GLYATL2: variants seen among roughly 807,000 people sequenced by gnomAD.
The protein encoded by GLYATL2 is glycine-N-acyltransferase like 2.
A neutral mutation model predicts 21.4 loss-of-function variants in GLYATL2; 25 were observed. The ratio of observed to expected loss-of-function variants is 1.17; its 90% confidence interval spans 0.85 to 1.63. The LOEUF (loss-of-function observed/expected upper bound fraction) is 1.63, where lower values mean the gene tolerates loss of function less well. Ranked by LOEUF, GLYATL2 falls within the 40% of genes most tolerant of loss-of-function variation. The pLI is 0.00. For missense variants in GLYATL2, 361 were observed against 343.3 expected (o/e 1.05, Z -0.41); for synonymous variants, 114 against 118.2 (o/e 0.96, Z 0.23).
At chr11:58,839,306 A>G (rs566261012) in intron 2 of GLYATL2, among the ~76,000 whole-genome samples, 1 of 152,308 alleles carries the variant, frequency 6.6e-6, no homozygotes, top group African/African-American at 2.4e-5. Flanking sequence ...CCTGGAAGAG[A>G]TGACAAAGTA....
At chr11:58,841,523 C>T (rs1329344590) in intron 1 of GLYATL2, among the ~76,000 whole-genome samples, 5 of 152,140 alleles carry the variant, frequency 3.3e-5, no homozygotes, top group Non-Finnish European at 7.4e-5. Flanking sequence ...TTTTAAAGAC[C>T]TCTAATCCAG....
chr11:58,893,575 A>T (rs571032957), intron 1 of GLYATL2: 2 of 153,020 alleles, frequency 1.3e-5, no homozygotes, highest in East Asian at 3.9e-4. Flanking sequence ...TATGCCAGGA[A>T]CTATTCTCAC....
At chr11:58,860,127 T>C (rs1294172839) in intron 1 of GLYATL2, among the ~76,000 whole-genome samples, 3 of 152,146 alleles carry the variant, frequency 2.0e-5, no homozygotes, top group South Asian at 2.1e-4. Flanking sequence ...CATACATTTT[T>C]TGGTGTTTTA....
At chr11:58,874,705 C>G (rs1018526454) in intron 1 of GLYATL2, among the ~76,000 whole-genome samples, 5 of 152,166 alleles carry the variant, frequency 3.3e-5, no homozygotes, top group Non-Finnish European at 1.5e-5. Context: ...TTCTTTACTT[C>G]CAACTATGTG....
chr11:58,839,636 T>C lies in GLYATL2; in HGVS notation c.-24A>G. ...ATCTTATGTAGCACTTCAGCTTCTT[T>C]CCCTCAAGAAGATGATCTAAGGAAA... On this transcript the variant is annotated 5_prime_UTR_variant, in exon 2 of 6. Coordinates refer to ENST00000287275, the MANE Select transcript of GLYATL2 (RefSeq NM_145016.4). 1 of 1,555,432 alleles carries C rather than the reference T, an allele frequency of 6.4e-7. No homozygotes were observed. The highest frequency in any genetic ancestry group is 8.8e-7 in the Non-Finnish European group (1 of 1,132,982).
At chr11:58,894,151 A>G (rs1943301) in intron 1 of GLYATL2, among the ~76,000 whole-genome samples, 133,955 of 152,128 alleles carry the variant, frequency 0.88, 60,325 homozygotes, top group Non-Finnish European at 0.98. Context: ...TGTTGCCTGC[A>G]AGTATGGTTA....
chr11:58,852,752 C>A (rs1407203369), intron 1 of GLYATL2, among the ~76,000 whole-genome samples: 1 of 152,174 alleles, frequency 6.6e-6, no homozygotes, highest in Non-Finnish European at 1.5e-5. Flanking sequence ...ATCTAGAAGT[C>A]TCTTTAATCG....
chr11:58,854,675 G>T (rs1853797670), intron 1 of GLYATL2, among the ~76,000 whole-genome samples: 1 of 88,178 alleles, frequency 1.1e-5, no homozygotes, highest in Non-Finnish European at 2.6e-5. Flanking sequence ...CTTCCTTTCA[G>T]AAAAGATTTG....
chr11:58,899,829 A>AGGG lies in GLYATL2; in HGVS notation n.60+4326_60+4327insCCC, dbSNP rs397708792. 2.0e-5 allele frequency among the ~76,000 whole-genome samples: 3 copies of AGGG among 152,104 alleles called. No individual in the cohort carries two copies. In the South Asian group the frequency reaches 6.2e-4, roughly 32 times the overall value. ...TAATTACAACAGAATATATATATAT[A>AGGG]CACACACATACATATATAGTTGATG... On this transcript the variant is annotated intron_variant and non_coding_transcript_variant, in intron 1 of 4. Coordinates refer to the GLYATL2 transcript ENST00000533636.
intron 1 of GLYATL2, among the ~76,000 whole-genome samples, chr11:58,852,133 A>G (rs969361780): frequency 8.5e-5 from 13 of 152,238 alleles, no homozygotes; most frequent in Admixed American, 1.3e-4. Context: ...CCAAATGACT[A>G]TATTTATGAA....
At chr11:58,899,019 C>T (rs1055958879) in intron 1 of GLYATL2, among the ~76,000 whole-genome samples, 5 of 152,098 alleles carry the variant, frequency 3.3e-5, no homozygotes, top group Admixed American at 3.3e-4. Context: ...CCCTATGAAT[C>T]CACATTTTAG....
chr11:58,882,154 G>A (rs757587095), intron 1 of GLYATL2, among the ~76,000 whole-genome samples: 6 of 152,160 alleles, frequency 3.9e-5, no homozygotes, highest in Middle Eastern at 3.2e-3. Context: ...AGGAATCACC[G>A]CACTGTCTTC....
At chr11:58,836,218 T>C (rs1261341632) in intron 5 of GLYATL2, among the ~76,000 whole-genome samples, 1 of 152,224 alleles carries the variant, frequency 6.6e-6, no homozygotes, top group African/African-American at 2.4e-5. Context: ...TACATTGTTC[T>C]ATCCACCTTA....
chr11:58,884,421 G>C (rs1854399254), intron 1 of GLYATL2, among the ~76,000 whole-genome samples: 1 of 152,150 alleles, frequency 6.6e-6, no homozygotes, highest in Admixed American at 6.5e-5. Context: ...ACCAATAACA[G>C]ACAAACAGAG....
chr11:58,854,347 G>A (rs630551), intron 1 of GLYATL2, among the ~76,000 whole-genome samples: 135,065 of 152,206 alleles, frequency 0.89, 61,080 homozygotes, highest in Non-Finnish European at 0.98. Flanking sequence ...AATAAAGTGG[G>A]TATTCCAGTA....
chr11:58,909,564 A>G, the GLYATL2 span, among the ~76,000 whole-genome samples: 1 of 152,232 alleles, frequency 6.6e-6, no homozygotes, highest in Non-Finnish European at 1.5e-5. Context: ...TTCTTTTAAA[A>G]GAATGAATAA....
intron 1 of GLYATL2, among the ~76,000 whole-genome samples, chr11:58,859,556 A>G (rs1433975100): frequency 3.3e-5 from 5 of 152,146 alleles, no homozygotes; most frequent in African/African-American, 1.2e-4. Flanking sequence ...ATTTTCTTCC[A>G]TTCCATAGGT....
At chr11:58,851,827 A>T (rs763627940) in intron 1 of GLYATL2, among the ~76,000 whole-genome samples, 4 of 152,178 alleles carry the variant, frequency 2.6e-5, no homozygotes, top group Admixed American at 6.5e-5. Flanking sequence ...GACTGGAAAA[A>T]CATGGTTGGG....
intron 5 of GLYATL2, among the ~76,000 whole-genome samples, chr11:58,836,689 T>G (rs1312263579): frequency 6.6e-6 from 1 of 152,176 alleles, no homozygotes; most frequent in Non-Finnish European, 1.5e-5. Context: ...TTTTTTATTT[T>G]ATATACTTAT....
Sources: gnomAD v4.1 joint callset for allele counts (sites outside exome capture counted in the v4.1 genomes callset) on GRCh38, gnomAD v4.1.1 for gene constraint, MANE v1.5 for transcripts, NCBI Gene and HGNC (gene_info 2026-07-23, HGNC 2026-07-21) for gene names.